Variants in TTC7A observed in about 807,000 individuals in gnomAD.
The protein encoded by TTC7A is tetratricopeptide repeat protein 7A.
TTC7A carries 110 observed loss-of-function variants against 103.7 expected under a neutral mutation model. The ratio of observed to expected loss-of-function variants is 1.06; its 90% CI spans 0.91 to 1.24. TTC7A has a LOEUF of 1.24. Ranked by LOEUF, TTC7A falls within the 50% of genes most tolerant of loss-of-function variation. The pLI, the probability that TTC7A is intolerant of heterozygous loss-of-function variation, is 0.00. For synonymous variants in TTC7A, 521 were observed against 467.9 expected (o/e 1.11, Z -1.47); for missense variants, 1,340 against 1,116.3 (o/e 1.20, Z -2.86).
chr2:46,929,693 T>C (rs374910321), intron 2 of TTC7A, among the ~76,000 whole-genome samples: 5 of 152,038 alleles, frequency 3.3e-5, no homozygotes, highest in African/African-American at 9.7e-5. Context: ...AGATTGAAAA[T>C]TAATGAGCTG....
chr2:46,964,829 C>T (rs1030266496), intron 3 of TTC7A, among the ~76,000 whole-genome samples: 1 of 152,186 alleles, frequency 6.6e-6, no homozygotes, highest in Non-Finnish European at 1.5e-5. Context: ...ACTGCCATTT[C>T]TCCAGCCATT....
At chr2:46,916,770 G>A (rs1243983496) in intron 1 of TTC7A, among the ~76,000 whole-genome samples, 1 of 152,176 alleles carries the variant, frequency 6.6e-6, no homozygotes, top group African/African-American at 2.4e-5. Context: ...GAGTAGCTGG[G>A]ATTACAGGCG....
In TTC7A at chr2:47,060,780, A is replaced by T; in HGVS notation, c.2164A>T (p.Met722Leu). 2 of 1,608,140 alleles carry T rather than the reference A, an allele frequency of 1.2e-6. No individual in the cohort carries two copies. The highest frequency in any genetic ancestry group is 1.7e-6 in the Non-Finnish European group (2 of 1,175,540). ...TTCTGCTTTTGCAGCTGAGCTGTTC[A>T]TGGAGCAGCAGCACCTCAAGGAAGC... Reference protein sequence around the residue: ...QIWLQAAELFMEQQHLKEAGF... With the variant: ...QIWLQAAELFLEQQHLKEAGF... The change falls in exon 19 of 20, where the codon ATG (methionine) becomes TTG (leucine). Residue 722 changes from methionine to leucine, a missense_variant. Transcript: ENST00000319190.
intron 8 of TTC7A, among the ~76,000 whole-genome samples, chr2:47,005,112 G>T (rs1454019592): frequency 6.6e-6 from 1 of 152,182 alleles, no homozygotes; most frequent in Admixed American, 6.5e-5. Flanking sequence ...AATCCTCGGC[G>T]CTGGACGCCA....
intron 10 of TTC7A, among the ~76,000 whole-genome samples, chr2:47,008,679 C>G (rs888461980): frequency 6.6e-6 from 1 of 152,190 alleles, no homozygotes. Flanking sequence ...CCTGATTGTC[C>G]CAGGCAGCCC....
chr2:47,071,306 G>T (rs78580332), intron 19 of TTC7A: 2 of 152,134 alleles, frequency 1.3e-5, no homozygotes, highest in African/African-American at 4.8e-5. Context: ...TCTCCTTTCA[G>T]GTTCTAAGGT....
At chr2:46,955,110 A>C (rs1671730992) in intron 2 of TTC7A, among the ~76,000 whole-genome samples, 1 of 152,222 alleles carries the variant, frequency 6.6e-6, no homozygotes, top group Non-Finnish European at 1.5e-5. Context: ...TCCAAAGAAA[A>C]GTTCAAAGCT....
rs556911216 is a variant in TTC7A at position 47,057,960 on chromosome 2, C to A, written c.2153-2809C>A. ...GCTCCCACTCCTGTCCCCACTCTTT[C>A]TCCTCCTTGTGGGGAGACCAGGCAC... On this transcript the variant is annotated intron_variant, in intron 18 of 19. Transcript: ENST00000319190. Among the ~76,000 whole-genome samples, 9 of 152,322 alleles carry A rather than the reference C, an allele frequency of 5.9e-5. No homozygotes were observed. In the South Asian group the frequency reaches 1.9e-3, roughly 32 times the overall value.
intron 15 of TTC7A, among the ~76,000 whole-genome samples, chr2:47,036,328 A>G (rs1681103726): frequency 2.0e-5 from 3 of 152,260 alleles, no homozygotes; most frequent in South Asian, 4.1e-4. Context: ...TGATTTTTAA[A>G]GCTTCAAAGT....
chr2:46,999,037 G>A (rs767071089), intron 8 of TTC7A, among the ~76,000 whole-genome samples: 3 of 152,000 alleles, frequency 2.0e-5, no homozygotes, highest in South Asian at 2.1e-4. Flanking sequence ...TTCATATATC[G>A]ATCACCGACC....
At chr2:46,948,584 G>T (rs115631672) in intron 1 of TTC7A, among the ~76,000 whole-genome samples, 1,548 of 152,226 alleles carry the variant, frequency 0.01, 32 homozygotes, top group African/African-American at 0.035. Context: ...TCTCTGTGGG[G>T]AATCTCCCTT....
chr2:47,031,489 C>G (rs547196338), intron 15 of TTC7A, among the ~76,000 whole-genome samples: 2 of 152,210 alleles, frequency 1.3e-5, no homozygotes, highest in African/African-American at 4.8e-5. Flanking sequence ...AATGGCCAAG[C>G]AGAAAGATTT....
At chr2:46,971,430 G>A (rs1442070003) in intron 3 of TTC7A, among the ~76,000 whole-genome samples, 1 of 152,178 alleles carries the variant, frequency 6.6e-6, no homozygotes, top group Non-Finnish European at 1.5e-5. Context: ...TTGGGAGCAG[G>A]AGGTTAGTTG....
chr2:46,982,376 GAA>G (rs1033617812), intron 5 of TTC7A, among the ~76,000 whole-genome samples: 1 of 140,706 alleles, frequency 7.1e-6, no homozygotes. Context: ...CCTCTGTCAA[GAA>G]AAAAAAAAAA....
In TTC7A at chr2:47,021,904, G is replaced by A. The variant is rs148317608; in HGVS notation, c.1435G>A (p.Gly479Arg). The A allele has an allele frequency of 1.5e-5, 25 of 1,614,030 alleles. No individual in the cohort carries two copies. Among genetic ancestry groups the A allele is most frequent in the South Asian group, 3.3e-5 (3 of 91,088 alleles). Residue 479 changes from glycine (G) to arginine (R), a missense_variant, in exon 12 of 20, where the codon GGA becomes AGA. Coordinates refer to ENST00000319190, the MANE Select transcript of TTC7A (RefSeq NM_020458.4). Reference sequence around the variant, plus strand: ...CTTTGCCATGATGGTGATCAGCCTCGGAGAGGAAGCCGGGGAGTTCCTCCC... The same window carrying A: ...CTTTGCCATGATGGTGATCAGCCTCAGAGAGGAAGCCGGGGAGTTCCTCCC... ...EHFAMMVISL[G>R]EEAGEFLPKG... is the part of the protein sequence containing the mutation.
intron 2 of TTC7A, among the ~76,000 whole-genome samples, chr2:46,931,694 A>G (rs1334421762): frequency 7.2e-6 from 1 of 138,598 alleles, no homozygotes; most frequent in Non-Finnish European, 1.6e-5. Flanking sequence ...ACAGACAATA[A>G]TAAATAAATA....
intron 2 of TTC7A, among the ~76,000 whole-genome samples, chr2:46,933,739 G>A (rs1419412508): frequency 2.6e-5 from 4 of 152,236 alleles, no homozygotes; most frequent in African/African-American, 4.8e-5. Flanking sequence ...CGCATATACT[G>A]ATGATCTGAG....
chr2:47,011,557 C>A, intron 11 of TTC7A, 122 bp downstream of exon 11: 1 of 747,590 alleles, frequency 1.3e-6, no homozygotes, highest in Non-Finnish European at 2.1e-6. Context: ...TGGGAGCTAC[C>A]AGGCAGATGG....
Position 46,917,707 on chromosome 2 carries a change from C to G in TTC7A, c.82+430C>G, listed in dbSNP as rs376266916. Among the ~76,000 whole-genome samples the G allele has an allele frequency of 1.2e-4, 18 of 152,310 alleles. 1 individual carries two copies. The South Asian group carries it at 3.3e-3, about 28-fold the overall frequency. ...TCAACATATAAACTTGCTGTATTTT[C>G]TCCCCCACCATACCACTGAAACTGC... On this transcript the variant is annotated intron_variant, in intron 2 of 20. Transcript: ENST00000409245.
Sources: gnomAD v4.1 joint callset for allele counts (sites outside exome capture counted in the v4.1 genomes callset) on GRCh38, gnomAD v4.1.1 for gene constraint, MANE v1.5 for transcripts, NCBI Gene and HGNC (gene_info 2026-07-23, HGNC 2026-07-21) for gene names.